The following SLC25A21 variants were observed in gnomAD, a reference collection of about 807,000 sequenced individuals.
The protein encoded by SLC25A21 is solute carrier family 25 member 21.
A neutral mutation model predicts 43.8 loss-of-function variants in SLC25A21; 47 were observed. That is an observed-to-expected ratio of 1.07 (90% CI 0.85 to 1.37). The LOEUF (loss-of-function observed/expected upper bound fraction) is 1.37. Among genes scored for constraint, SLC25A21 ranks in the 40% most tolerant of loss-of-function variants. The pLI, the probability that SLC25A21 is intolerant of heterozygous loss-of-function variation, is 0.00. For missense variants in SLC25A21, 352 were observed against 350.2 expected (o/e 1.00, Z -0.04); for synonymous variants, 131 against 121.3 (o/e 1.08, Z -0.52).
intron 1 of SLC25A21, among the ~76,000 whole-genome samples, chr14:37,161,012 C>CT (rs1963931383): frequency 1.2e-5 from 1 of 82,034 alleles, no homozygotes; most frequent in Non-Finnish European, 2.1e-5. Context: ...GTGGAGGGGG[C>CT]GGGGGGGAGG....
At chr14:36,950,011 A>G (rs1463447643) in intron 1 of SLC25A21, among the ~76,000 whole-genome samples, 2 of 152,058 alleles carry the variant, frequency 1.3e-5, no homozygotes, top group Non-Finnish European at 2.9e-5. Context: ...GTACAGTCTG[A>G]CTCTCCAAGA....
At chr14:36,837,350 C>G (rs767535481) in intron 2 of SLC25A21, among the ~76,000 whole-genome samples, 1 of 151,972 alleles carries the variant, frequency 6.6e-6, no homozygotes, top group Non-Finnish European at 1.5e-5. Context: ...GAAGGGCAAG[C>G]CTGCCGAACA....
At chr14:37,058,683 A>G (rs1350939001) in intron 1 of SLC25A21, among the ~76,000 whole-genome samples, 11 of 152,192 alleles carry the variant, frequency 7.2e-5, no homozygotes, top group African/African-American at 2.4e-4. Flanking sequence ...TATCTGAAAT[A>G]CCAAATGAAT....
chr14:36,961,430 T>C (rs1959490732), intron 1 of SLC25A21, among the ~76,000 whole-genome samples: 1 of 152,182 alleles, frequency 6.6e-6, no homozygotes, highest in Non-Finnish European at 1.5e-5. Flanking sequence ...GTGTTTTTAA[T>C]GAAGGACATC....
Position 36,678,497 on chromosome 14 carries a change from T to G in SLC25A21, c.*2161A>C, listed in dbSNP as rs1002509340. 4.6e-6 allele frequency: 7 copies of G among 1,536,932 alleles called. No homozygotes were observed. The highest frequency in any genetic ancestry group is 6.1e-6 in the Non-Finnish European group (7 of 1,146,724). ...TGGAGTTCCCAGTCTGGTGAGAAAA[T>G]AGACTATAAACTGAATGGAACAAAG... On this transcript the variant is annotated 3_prime_UTR_variant, in exon 10 of 10. Transcript: ENST00000331299.
intron 1 of SLC25A21, among the ~76,000 whole-genome samples, chr14:37,149,478 G>A (rs77876965): frequency 0.051 from 7,707 of 151,668 alleles, 389 homozygotes; most frequent in African/African-American, 0.11. Flanking sequence ...GGCCGGCCAC[G>A]GTGGCTCACA....
intron 1 of SLC25A21, among the ~76,000 whole-genome samples, chr14:36,885,389 G>A (rs1338178447): frequency 2.6e-5 from 4 of 152,190 alleles, no homozygotes; most frequent in African/African-American, 9.6e-5. Context: ...TTGGAAGTCA[G>A]GTAGTGTGAT....
chr14:37,148,638 T>C lies in SLC25A21; in HGVS notation c.70+23643A>G, dbSNP rs542455064. On this transcript the variant is annotated intron_variant, in intron 1 of 9. Coordinates refer to ENST00000331299, the MANE Select transcript of SLC25A21 (RefSeq NM_030631.4). ...CAGGTCTCAATGAAATTGAATTGCT[T>C]TGTGGCAAATGCATTGAATAAATAT... is the stretch of plus-strand genomic sequence containing the variant. 3.3e-5 allele frequency among the ~76,000 whole-genome samples: 5 copies of C among 152,322 alleles called. No homozygotes were observed. In the South Asian group the frequency reaches 8.3e-4, roughly 25 times the overall value.
intron 1 of SLC25A21, among the ~76,000 whole-genome samples, chr14:37,126,789 C>T (rs1963305373): frequency 1.3e-5 from 2 of 152,104 alleles, no homozygotes; most frequent in African/African-American, 4.8e-5. Flanking sequence ...ACTTCCTTGC[C>T]CTCAAGGGGC....
intron 2 of SLC25A21, among the ~76,000 whole-genome samples, chr14:36,815,570 C>T (rs959548808): frequency 6.6e-6 from 1 of 151,886 alleles, no homozygotes; most frequent in Non-Finnish European, 1.5e-5. Context: ...AATTAGAGCT[C>T]AATAAACATG....
At chr14:37,060,707 G>A (rs1324401628) in intron 1 of SLC25A21, among the ~76,000 whole-genome samples, 1 of 151,948 alleles carries the variant, frequency 6.6e-6, no homozygotes, top group African/African-American at 2.4e-5. Context: ...TGCAACCTCG[G>A]AAGACAGGCT....
chr14:36,996,253 T>A (rs540187482), intron 1 of SLC25A21, among the ~76,000 whole-genome samples: 1 of 152,318 alleles, frequency 6.6e-6, no homozygotes, highest in East Asian at 1.9e-4. Flanking sequence ...CAAACCTTCA[T>A]TATCTTAGTT....
intron 6 of SLC25A21, among the ~76,000 whole-genome samples, chr14:36,715,187 G>A (rs769535124): frequency 6.6e-6 from 1 of 152,104 alleles, no homozygotes; most frequent in Non-Finnish European, 1.5e-5. Context: ...GCAAATGGAG[G>A]CCTTGGGATA....
At chr14:36,774,239 ACT>A (rs1470356716) in intron 3 of SLC25A21, among the ~76,000 whole-genome samples, 5 of 152,128 alleles carry the variant, frequency 3.3e-5, no homozygotes, top group Non-Finnish European at 2.9e-5. Flanking sequence ...TATAATAGAA[ACT>A]CGACATTTGT....
intron 1 of SLC25A21, among the ~76,000 whole-genome samples, chr14:37,061,689 T>C (rs555016618): frequency 1.5e-4 from 23 of 152,342 alleles, no homozygotes; most frequent in Non-Finnish European, 2.2e-4. Flanking sequence ...TCATAGTTCA[T>C]AGTGTCCTTT....
intron 2 of SLC25A21, among the ~76,000 whole-genome samples, chr14:36,829,753 G>C (rs1027504748): frequency 2.0e-5 from 3 of 152,164 alleles, no homozygotes; most frequent in Non-Finnish European, 2.9e-5. Flanking sequence ...TCACGCAAAC[G>C]TGCTACCAAG....
intron 3 of SLC25A21, among the ~76,000 whole-genome samples, chr14:36,802,194 C>A (rs1044985288): frequency 3.9e-5 from 6 of 152,094 alleles, no homozygotes; most frequent in Non-Finnish European, 7.4e-5. Context: ...TTTGATTATA[C>A]ATTTTTAAAT....
chr14:37,108,704 AGTGTGTGTGTGTGTGTGTGTGTGTGTGT>A, intron 1 of SLC25A21, among the ~76,000 whole-genome samples: 1 of 149,352 alleles, frequency 6.7e-6, no homozygotes, highest in Admixed American at 6.7e-5. Context: ...AGTTTTGTTA[AGTGTGTGTGTGTGTGTGTGTGTGTGTGT>A]GTGTGTGCGT....
intron 6 of SLC25A21, among the ~76,000 whole-genome samples, chr14:36,723,068 T>TATC (rs935687612): frequency 3.9e-5 from 6 of 152,236 alleles, no homozygotes; most frequent in African/African-American, 1.4e-4. Flanking sequence ...AAAGGTTATC[T>TATC]ATCCCCTTGT....
Sources: gnomAD v4.1 joint callset for allele counts (sites outside exome capture counted in the v4.1 genomes callset) on GRCh38, gnomAD v4.1.1 for gene constraint, MANE v1.5 for transcripts, NCBI Gene and HGNC (gene_info 2026-07-23, HGNC 2026-07-21) for gene names.